ZNF444: variants seen among roughly 807,000 people sequenced by gnomAD.
ZNF444 encodes endothelial zinc finger protein 2.
Under a neutral mutation model 14.4 loss-of-function variants are expected in ZNF444, and 8 were observed. That is an observed-to-expected ratio of 0.56 (90% CI 0.33 to 1.00). The LOEUF is 1.00. Among genes scored for constraint, ZNF444 ranks in the 50% least tolerant of loss-of-function variants. The pLI is 0.03. For synonymous variants in ZNF444, 258 were observed against 235.9 expected, an observed-to-expected ratio of 1.09 and a Z score of -0.86; for missense variants, 510 against 504.8, an observed-to-expected ratio of 1.01 and a Z score of -0.10.
intron 4 of ZNF444, 115 bp from the exon 5 acceptor site, chr19:56,159,509 T>TC (rs1256641185): frequency 1.1e-6 from 1 of 934,736 alleles, no homozygotes. Flanking sequence ...CCAGCCCTCT[T>TC]CCCACCCCAA....
intron 3 of ZNF444, among the ~76,000 whole-genome samples, chr19:56,149,011 G>A (rs946214463): frequency 1.3e-5 from 2 of 151,304 alleles, no homozygotes; most frequent in Admixed American, 6.6e-5. Context: ...GCTGCACTCC[G>A]ACCTCTGCTT....
chr19:56,147,519 C>G lies in ZNF444; in HGVS notation c.297+311C>G, dbSNP rs902230343. Among the ~76,000 whole-genome samples the G allele has an allele frequency of 2.0e-5, 3 of 152,114 alleles. No individual in the cohort carries two copies. Among genetic ancestry groups the G allele is most frequent in the Admixed American group, 6.5e-5 (1 of 15,282 alleles). The stretch of plus-strand genomic sequence containing the variant: ...CTGGAAGCAGCTGGGAAGAAGGCCA[C>G]GAAGGCTCCAGGGAGCGCAGTTACC... On this transcript the variant is annotated intron_variant, in intron 3 of 4. Transcript: ENST00000337080. This position sits in a 1 kb window ranked among gnomAD's most constrained non-coding sequence, Gnocchi z 5.9.
chr19:56,152,546 G>A (rs1231891353), intron 3 of ZNF444, among the ~76,000 whole-genome samples: 2 of 150,138 alleles, frequency 1.3e-5, no homozygotes, highest in East Asian at 2.0e-4. Flanking sequence ...GTGAATACAC[G>A]TTTACATTTA....
chr19:56,143,583 T>C (rs977491383), intron 1 of ZNF444: 1 of 152,070 alleles, frequency 6.6e-6, no homozygotes, highest in African/African-American at 2.4e-5. Flanking sequence ...GTTAGCTGAG[T>C]GACTTTAGGT....
At chr19:56,133,534 C>T (rs914211751) in intron 1 of ZNF444, among the ~76,000 whole-genome samples, 3 of 151,264 alleles carry the variant, frequency 2.0e-5, no homozygotes, top group South Asian at 2.1e-4. Context: ...ATTCTCAGGC[C>T]GGGCGCGATG....
upstream of ZNF444, among the ~76,000 whole-genome samples, chr19:56,138,836 G>A (rs1416035251): frequency 8.7e-6 from 1 of 115,562 alleles, no homozygotes; most frequent in Non-Finnish European, 1.6e-5. Context: ...TGACTCTGTT[G>A]CCCGGACTGA....
At chr19:56,138,792 CTTTTTTTTTT>C (rs59273024), upstream of ZNF444, among the ~76,000 whole-genome samples, 1 of 92,846 alleles carries the variant, frequency 1.1e-5, no homozygotes, top group Non-Finnish European at 1.9e-5. Flanking sequence ...CTTGAATGTA[CTTTTTTTTTT>C]TTTTTTTTTT....
chr19:56,138,392 TGAGGCA>T (rs780351825), upstream of ZNF444, among the ~76,000 whole-genome samples: 23 of 151,948 alleles, frequency 1.5e-4, no homozygotes, highest in Non-Finnish European at 2.4e-4. Context: ...TTTGGGAGGC[TGAGGCA>T]GGTGGATCAC....
chr19:56,152,352 C>A lies in ZNF444; in HGVS notation c.297+5144C>A, dbSNP rs149363205. Among the ~76,000 whole-genome samples the A allele has an allele frequency of 7.8e-3, 1,174 of 151,112 alleles. 9 individuals are homozygous for A. The highest frequency in any genetic ancestry group is 0.026 in the African/African-American group (1,079 of 41,012). ...GTCTCAAAAAAAAAAAAAAAAAATA[C>A]CGTTGCCGGGATTTTACTCTTAGAT... is the stretch of plus-strand genomic sequence containing the variant. On this transcript the variant is annotated intron_variant, in intron 3 of 4. Transcript: ENST00000337080.
intron 3 of ZNF444, chr19:56,157,385 C>T (rs1391904179): frequency 6.6e-6 from 1 of 152,040 alleles, no homozygotes; most frequent in East Asian, 1.9e-4. Flanking sequence ...AGAGTGAGGG[C>T]AGGTGGTTTG....
At chr19:56,143,711 G>A in intron 1 of ZNF444, 1 of 152,226 alleles carries the variant, frequency 6.6e-6, no homozygotes, top group Non-Finnish European at 1.5e-5. Context: ...GGAATATGGA[G>A]TCTCTCGCCC....
intron 2 of ZNF444, among the ~76,000 whole-genome samples, chr19:56,146,658 G>C (rs1393230403): frequency 6.6e-6 from 1 of 152,152 alleles, no homozygotes; most frequent in African/African-American, 2.4e-5. Flanking sequence ...GCGTGGTGGC[G>C]GATGCCTGTA....
chr19:56,148,928 G>A (rs1338390889), intron 3 of ZNF444, among the ~76,000 whole-genome samples: 3 of 152,174 alleles, frequency 2.0e-5, no homozygotes, highest in Non-Finnish European at 4.4e-5. Flanking sequence ...GAGAGAATCC[G>A]TTTCCGGCCT....
rs527285934 is a variant in ZNF444 at position 56,146,800 on chromosome 19, T to TA, written c.-22-81dup. On this transcript the variant is annotated intron_variant, in intron 2 of 4. Coordinates refer to ENST00000337080, the MANE Select transcript of ZNF444 (RefSeq NM_018337.4). ...AAACTCCGTCTCAAAAAATAAAAAG[T>TA]AAAAAAAAAGAGCGTTGGTCCCATT... 7.2e-4 allele frequency: 728 copies of TA among 1,010,224 alleles called. 3 individuals are homozygous for TA. The South Asian group carries it at 0.011, about 15-fold the overall frequency. 62.6% of individuals were successfully genotyped at this position (1,010,224 alleles called of 1,614,324 possible). A position where few individuals can be genotyped will look rare whatever the true frequency, so the allele number is the denominator to read the frequency against.
intron 4 of ZNF444, among the ~76,000 whole-genome samples, 166 bp downstream of exon 4, chr19:56,158,768 G>A (rs1307541819): frequency 1.3e-5 from 2 of 152,026 alleles, no homozygotes; most frequent in African/African-American, 2.4e-5. Context: ...GGTATGGGTG[G>A]GCCTCGGGGT....
In ZNF444 at chr19:56,147,132, C is replaced by A; in HGVS notation, c.221C>A (p.Ala74Asp). ...GAACAGTTCCTGAGCGCGCTGCCCG[C>A]CGACACGCAGGCCTGGGTGTGCAGC... Reference protein sequence around the residue: ...VLEQFLSALPADTQAWVCSRQ... With the variant: ...VLEQFLSALPDDTQAWVCSRQ... Residue 74 changes from alanine (A) to aspartate (D), a missense_variant, in exon 3 of 5, where the codon GCC (alanine) becomes GAC (aspartate). By Grantham distance (126) the Ala-to-Asp change is moderately radical. Transcript: ENST00000337080. This position sits in a 1 kb window ranked among gnomAD's most constrained non-coding sequence, Gnocchi z 5.9. 6.4e-7 allele frequency: 1 copy of A among 1,556,322 alleles called. No individual in the cohort carries two copies. Among genetic ancestry groups the A allele is most frequent in the Non-Finnish European group, 8.6e-7 (1 of 1,156,248 alleles).
chr19:56,147,116 C>G lies in ZNF444; in HGVS notation c.205C>G (p.Leu69Val). 1 of 1,576,870 alleles carries G rather than the reference C, an allele frequency of 6.3e-7. No individual in the cohort carries two copies. The highest frequency in any genetic ancestry group is 8.6e-7 in the Non-Finnish European group (1 of 1,165,682). The change falls in exon 3 of 5, where the codon CTG becomes GTG. Residue 69 changes from leucine (L) to valine (V), a missense_variant. Coordinates refer to ENST00000337080, the MANE Select transcript of ZNF444 (RefSeq NM_018337.4). The surrounding 1 kb of genome is among the most constrained non-coding windows in gnomAD (Gnocchi z 5.9). Reference sequence around the variant, plus strand: ...GGAGCTGCTGGTGCTGGAACAGTTCCTGAGCGCGCTGCCCGCCGACACGCA... The same window carrying G: ...GGAGCTGCTGGTGCTGGAACAGTTCGTGAGCGCGCTGCCCGCCGACACGCA... ...MLELLVLEQF[L>V]SALPADTQAW...
chr19:56,155,407 C>G (rs186271453), intron 3 of ZNF444: 1 of 152,420 alleles, frequency 6.6e-6, no homozygotes, highest in Non-Finnish European at 1.5e-5. Context: ...TGGCAGAGGC[C>G]GAGCTGATGC....
chr19:56,159,853 C>T lies in ZNF444; in HGVS notation c.636C>T (p.Cys212=), dbSNP rs1441569194. Residue 212 remains cysteine (C), a synonymous_variant, in exon 5 of 5, where the codon TGC becomes TGT. Transcript: ENST00000337080. ...AGAAGCCGCACGCCTGCCCTGAGTG[C>T]GGGAAGGCCTTTCGGCGCAAGGAGC... is the stretch of plus-strand genomic sequence containing the variant. ...SGEKPHACPE[C]GKAFRRKEHL... The T allele has an allele frequency of 2.4e-5, 37 of 1,550,640 alleles. No homozygotes were observed. The highest frequency in any genetic ancestry group is 2.9e-5 in the Non-Finnish European group (33 of 1,154,522).
Sources: gnomAD v4.1 joint callset for allele counts (sites outside exome capture counted in the v4.1 genomes callset) on GRCh38, gnomAD v4.1.1 for gene constraint, Gnocchi (gnomAD v3.1) non-coding constraint, MANE v1.5 for transcripts, NCBI Gene and HGNC (gene_info 2026-07-23, HGNC 2026-07-21) for gene names.